Variants in DCTPP1 observed in about 807,000 individuals in gnomAD.
DCTPP1 encodes dCTP pyrophosphatase 1.
In DCTPP1, 8 loss-of-function variants were observed where a neutral mutation model predicts 8.8. That is an observed-to-expected ratio of 0.91 (90% CI 0.54 to 1.64). The LOEUF is 1.64. Among genes scored for constraint, DCTPP1 ranks in the 40% most tolerant of loss-of-function variants. The pLI is 0.00. For synonymous variants in DCTPP1, 85 were observed against 92.1 expected (o/e 0.92, Z 0.44); for missense variants, 231 against 230.4 (o/e 1.00, Z -0.02).
At chr16:30,428,739 C>T in intron 2 of DCTPP1, 1 of 407,134 alleles carries the variant, frequency 2.5e-6, no homozygotes, top group East Asian at 3.6e-5. Context: ...TGCACTCCAG[C>T]CTGGGCGACA....
chr16:30,424,354 G>T lies in DCTPP1; in HGVS notation c.392C>A (p.Ala131Asp). The T allele has an allele frequency of 6.2e-7, 1 of 1,614,254 alleles. No individual in the cohort carries two copies. Among genetic ancestry groups the T allele is most frequent in the South Asian group, 1.1e-5 (1 of 91,090 alleles). ...KMDINRRRYP[A>D]HLARSSSRKY... is the part of the protein sequence containing the mutation. ...GCGGGAAGAGCTGCGGGCCAGATGG[G>T]CTGGGTAGCGTCGCCGGTTGATGTC... Residue 131 changes from alanine to aspartate, a missense_variant, in exon 3 of 3, where the codon GCC becomes GAC. Physicochemically the swap from Ala to Asp is moderately radical, Grantham distance 126. Transcript: ENST00000319285.
chr16:30,425,977 C>A (rs1035056039), intron 2 of DCTPP1, among the ~76,000 whole-genome samples: 3 of 152,208 alleles, frequency 2.0e-5, no homozygotes, highest in Admixed American at 6.5e-5. Flanking sequence ...CACTGCCCCC[C>A]ACTCTCACTC....
intron 2 of DCTPP1, among the ~76,000 whole-genome samples, chr16:30,427,781 C>T (rs184761038): frequency 6.6e-6 from 1 of 152,110 alleles, no homozygotes; most frequent in Admixed American, 6.6e-5. Flanking sequence ...TCACTTGAGA[C>T]CAGGAGTTTG....
In DCTPP1 at chr16:30,429,135, C is replaced by G; in HGVS notation, c.134G>C (p.Arg45Pro). The G allele has an allele frequency of 2.5e-6, 4 of 1,613,984 alleles. No individual in the cohort carries two copies. The highest frequency in any genetic ancestry group is 2.5e-6 in the Non-Finnish European group (3 of 1,179,954). ...AGGCTGATGGAACTGTTCCCAGTCT[C>G]GTTCCGCAGCAAACTCAGCATGGAG... Reference protein sequence around the residue: ...RRLHAEFAAERDWEQFHQPRN... With the variant: ...RRLHAEFAAEPDWEQFHQPRN... Residue 45 changes from arginine (R) to proline (P), a missense_variant, in exon 2 of 3, where the codon CGA becomes CCA. Arg to Pro is a moderately radical substitution (Grantham distance 103, BLOSUM62 -2). Transcript: ENST00000319285.
intron 2 of DCTPP1, among the ~76,000 whole-genome samples, 153 bp from the exon 3 acceptor site, chr16:30,424,686 T>C (rs1014731682): frequency 6.6e-6 from 1 of 152,180 alleles, no homozygotes; most frequent in Non-Finnish European, 1.5e-5. Context: ...CGACAGATGA[T>C]ACCAAGATGT....
At position 30,424,297 on chromosome 16, in the gene DCTPP1, G is replaced by T; in HGVS notation, c.449C>A (p.Ser150Tyr). 1 of 1,614,262 alleles carries T rather than the reference G, an allele frequency of 6.2e-7. No homozygotes were observed. The highest frequency in any genetic ancestry group is 1.1e-5 in the South Asian group (1 of 91,082). ...CGCAGGCCCCACAGCCTGGTCTTCA[G>T]AGATGGCCCCATGGGGCAATTCTGT... ...KYTELPHGAI[S>Y]EDQAVGPADI... The change falls in exon 3 of 3, where the codon TCT becomes TAT. Residue 150 changes from serine to tyrosine, a missense_variant. Physicochemically the swap from Ser to Tyr is moderately radical, Grantham distance 144. Transcript: ENST00000319285.
rs777848541 is a variant in DCTPP1 at position 30,429,926 on chromosome 16, C to G, written c.55G>C (p.Ala19Pro). 6.3e-7 allele frequency: 1 copy of G among 1,592,914 alleles called. No individual in the cohort carries two copies. Among genetic ancestry groups the G allele is most frequent in the South Asian group, 1.1e-5 (1 of 89,428 alleles). Residue 19 changes from alanine (A) to proline (P), a missense_variant, in exon 1 of 3, where the codon GCT (alanine) becomes CCT (proline). Transcript: ENST00000319285. Reference sequence around the variant, plus strand: ...GGGCTGAAGCTGAACCGGCCGGGAGCAGCAGTGTCCTCTCCCCCCGTGTCC... The same window carrying G: ...GGGCTGAAGCTGAACCGGCCGGGAGGAGCAGTGTCCTCTCCCCCCGTGTCC... ...RGDTGGEDTA[A>P]PGRFSFSPEP... is the part of the protein sequence containing the mutation.
chr16:30,428,028 C>T (rs962915503), intron 2 of DCTPP1, among the ~76,000 whole-genome samples: 5 of 152,194 alleles, frequency 3.3e-5, no homozygotes, highest in Non-Finnish European at 5.9e-5. Context: ...TAGGGCTCAT[C>T]GCCTCTTGCC....
At chr16:30,429,226 C>A in intron 1 of DCTPP1, 59 bp from the exon 2 acceptor site, 1 of 1,568,690 alleles carries the variant, frequency 6.4e-7, no homozygotes, top group Non-Finnish European at 8.7e-7. Flanking sequence ...GATGCAGGGG[C>A]CAGAGGCAGC....
intron 2 of DCTPP1, 38 bp from the exon 3 acceptor site, chr16:30,424,571 A>T: frequency 6.3e-7 from 1 of 1,596,390 alleles, no homozygotes; most frequent in Non-Finnish European, 8.5e-7. Flanking sequence ...ACTCAGATGT[A>T]ACCTGGGGCA....
chr16:30,429,634 C>T, intron 1 of DCTPP1: 2 of 510,818 alleles, frequency 3.9e-6, no homozygotes, highest in Non-Finnish European at 6.9e-6. Flanking sequence ...CCGGTATCTT[C>T]CCAGGGCTAG....
chr16:30,428,203 A>G (rs2050204657), intron 2 of DCTPP1, among the ~76,000 whole-genome samples: 1 of 151,650 alleles, frequency 6.6e-6, no homozygotes, highest in Admixed American at 6.6e-5. Flanking sequence ...TGTGGGTTCA[A>G]CTCCCACCCC....
intron 2 of DCTPP1, among the ~76,000 whole-genome samples, chr16:30,427,096 G>A (rs1399264713): frequency 6.6e-6 from 1 of 150,592 alleles, no homozygotes; most frequent in East Asian, 1.9e-4. Context: ...TGCAAGCTCC[G>A]CCTCCTGGGT....
chr16:30,429,231 G>A, intron 1 of DCTPP1, 64 bp from the exon 2 acceptor site: 2 of 1,554,974 alleles, frequency 1.3e-6, no homozygotes, highest in Non-Finnish European at 1.8e-6. Context: ...AGGGGCCAGA[G>A]GCAGCTACCC....
At chr16:30,428,934 A>C (rs553640729) in intron 2 of DCTPP1, 123 bp downstream of exon 2, 1 of 1,062,852 alleles carries the variant, frequency 9.4e-7, no homozygotes, top group Admixed American at 2.6e-5. Flanking sequence ...GCATCCCAAC[A>C]ACAGCAAAGA....
chr16:30,426,176 G>A (rs1159726409), intron 2 of DCTPP1, among the ~76,000 whole-genome samples: 1 of 152,110 alleles, frequency 6.6e-6, no homozygotes, highest in African/African-American at 2.4e-5. Flanking sequence ...TGTGTTTTTT[G>A]TTTGTTCGTT....
intron 1 of DCTPP1, chr16:30,429,525 T>G: frequency 2.5e-6 from 1 of 407,270 alleles, no homozygotes; most frequent in Non-Finnish European, 4.4e-6. Context: ...GAAGCCTTTC[T>G]TGACCTCCTC....
chr16:30,427,364 G>A (rs1288138330), intron 2 of DCTPP1, among the ~76,000 whole-genome samples: 1 of 151,052 alleles, frequency 6.6e-6, no homozygotes, highest in African/African-American at 2.4e-5. Flanking sequence ...CCAGGCTGGA[G>A]TGCCATGGTG....
chr16:30,425,005 C>T (rs1218843530), intron 2 of DCTPP1, among the ~76,000 whole-genome samples: 3 of 152,252 alleles, frequency 2.0e-5, no homozygotes, highest in Non-Finnish European at 4.4e-5. Flanking sequence ...CTCCGTCTTC[C>T]GAGTTGCTGG....
Sources: allele counts gnomAD v4.1 joint callset (sites outside exome capture counted in the v4.1 genomes callset), GRCh38; gene constraint gnomAD v4.1.1; transcripts MANE v1.5; gene names NCBI Gene and HGNC (gene_info 2026-07-23, HGNC 2026-07-21).